STAU2: variants seen among roughly 807,000 people sequenced by gnomAD.
The protein encoded by STAU2 is staufen double-stranded RNA binding protein 2, also known as double-stranded RNA-binding protein Staufen homolog 2.
Under a neutral mutation model 65.9 loss-of-function variants are expected in STAU2, and 20 were observed. The observed-to-expected ratio is 0.30, with a 90% CI of 0.21 to 0.44. The LOEUF is 0.44. STAU2 is among the 20% of genes least tolerant of loss of function. The pLI is 1.00. For synonymous variants in STAU2, 232 were observed against 233.9 expected, an observed-to-expected ratio of 0.99 and a Z score of 0.07; for missense variants, 558 against 683.9, an observed-to-expected ratio of 0.82 and a Z score of 2.05.
chr8:73,574,706 A>G (rs1809383415), intron 12 of STAU2, among the ~76,000 whole-genome samples: 1 of 152,194 alleles, frequency 6.6e-6, no homozygotes, highest in Non-Finnish European at 1.5e-5. Context: ...GAACTGAACA[A>G]TGAGAATACT....
At chr8:73,491,684 C>T (rs1821162542) in intron 13 of STAU2, among the ~76,000 whole-genome samples, 1 of 151,778 alleles carries the variant, frequency 6.6e-6, no homozygotes, top group African/African-American at 2.4e-5. Context: ...GGAACAGATT[C>T]AATCAAATAA....
At chr8:73,538,410 T>C (rs1202884566) in intron 13 of STAU2, among the ~76,000 whole-genome samples, 1 of 152,060 alleles carries the variant, frequency 6.6e-6, no homozygotes, top group African/African-American at 2.4e-5. Flanking sequence ...CTATTAAGAA[T>C]AGATAATAAA....
chr8:73,634,484 C>T (rs754202272), intron 6 of STAU2, among the ~76,000 whole-genome samples: 6 of 151,890 alleles, frequency 4.0e-5, no homozygotes, highest in East Asian at 1.9e-4. Context: ...GCTGAGATTG[C>T]GCCACTGCAC....
Position 73,420,627 on chromosome 8 carries a change from A to G in STAU2, c.*745T>C, listed in dbSNP as rs1427659605. On this transcript the variant is annotated 3_prime_UTR_variant, in exon 15 of 15. Transcript: ENST00000524300. ...CCACAACAGGGAGTGGAATCCGGGA[A>G]GATGATATATAGGGGCAAGACGCCC... The G allele has an allele frequency of 1.2e-5, 2 of 172,760 alleles. No individual in the cohort carries two copies. Among genetic ancestry groups the G allele is most frequent in the African/African-American group, 4.7e-5 (2 of 42,618 alleles). 10.7% of individuals were successfully genotyped at this position (172,760 alleles called of 1,614,324 possible). A position where few individuals can be genotyped will look rare whatever the true frequency, so the allele number is the denominator to read the frequency against.
At chr8:73,628,441 C>A (rs976684603) in intron 6 of STAU2, among the ~76,000 whole-genome samples, 1 of 152,132 alleles carries the variant, frequency 6.6e-6, no homozygotes, top group Non-Finnish European at 1.5e-5. Flanking sequence ...ATCTTACGTA[C>A]TAAAAACTTA....
chr8:73,651,750 C>G, intron 6 of STAU2: 3 of 424,548 alleles, frequency 7.1e-6, no homozygotes, highest in South Asian at 6.5e-5. Flanking sequence ...TCCACGGGGC[C>G]CTGGGGCCTG....
chr8:73,455,496 G>A (rs1203954691), intron 13 of STAU2, among the ~76,000 whole-genome samples: 1 of 152,148 alleles, frequency 6.6e-6, no homozygotes, highest in Non-Finnish European at 1.5e-5. Context: ...TGTGGGACTT[G>A]TCCCCATTGG....
chr8:73,608,893 G>A (rs755238883), intron 9 of STAU2, among the ~76,000 whole-genome samples: 4 of 152,024 alleles, frequency 2.6e-5, no homozygotes, highest in African/African-American at 7.3e-5. Context: ...CATGAGAATC[G>A]CTTGAACCCA....
chr8:73,607,889 T>C (rs540197941), intron 9 of STAU2, among the ~76,000 whole-genome samples: 83 of 152,318 alleles, frequency 5.4e-4, no homozygotes, highest in Middle Eastern at 6.8e-3. Flanking sequence ...TTGTCTCTAC[T>C]ATCTGTAGAG....
At chr8:73,555,488 G>A (rs553253642) in intron 12 of STAU2, among the ~76,000 whole-genome samples, 4 of 152,156 alleles carry the variant, frequency 2.6e-5, no homozygotes, top group African/African-American at 9.6e-5. Flanking sequence ...CCGCATGCAT[G>A]AGTCCCATAT....
chr8:73,612,890 A>C (rs993121942), intron 9 of STAU2, among the ~76,000 whole-genome samples: 20 of 152,216 alleles, frequency 1.3e-4, no homozygotes, highest in African/African-American at 4.8e-4. Flanking sequence ...CTGGAAACAC[A>C]GAACTCTAGC....
chr8:73,471,817 T>TTAAA (rs1554594408), intron 13 of STAU2, among the ~76,000 whole-genome samples: 3 of 86,816 alleles, frequency 3.5e-5, no homozygotes, highest in African/African-American at 1.4e-4. Flanking sequence ...AGACTCCAAC[T>TTAAA]AAAAAAAAAA....
chr8:73,739,232 CAAAA>C (rs34324889), intron 2 of STAU2, among the ~76,000 whole-genome samples: 1 of 106,448 alleles, frequency 9.4e-6, no homozygotes, highest in Non-Finnish European at 1.8e-5. Flanking sequence ...GACTCCATCT[CAAAA>C]AAAAAAAAAA....
At chr8:73,696,750 CA>C (rs1283183344) in intron 4 of STAU2, among the ~76,000 whole-genome samples, 2 of 152,024 alleles carry the variant, frequency 1.3e-5, no homozygotes, top group African/African-American at 4.8e-5. Context: ...AAAATAGCCT[CA>C]AAGGGGCAAA....
At chr8:73,573,054 T>A (rs998432663) in intron 12 of STAU2, among the ~76,000 whole-genome samples, 17 of 152,234 alleles carry the variant, frequency 1.1e-4, no homozygotes, top group Non-Finnish European at 2.2e-4. Flanking sequence ...TTCAGCAATG[T>A]CTCAGGATAC....
intron 7 of STAU2, 63 bp from the exon 8 acceptor site, chr8:73,615,845 T>C (rs770449959): frequency 6.4e-6 from 8 of 1,241,262 alleles, no homozygotes; most frequent in Non-Finnish European, 9.3e-6. Context: ...ACTTTTATTC[T>C]ACAGTCAAGA....
At chr8:73,655,548 A>G (rs1816290677) in intron 6 of STAU2, among the ~76,000 whole-genome samples, 2 of 151,760 alleles carry the variant, frequency 1.3e-5, no homozygotes, top group Admixed American at 1.3e-4. Context: ...AGGAGTTTGT[A>G]CTTCCATGTA....
chr8:73,451,744 ATTTT>A, intron 13 of STAU2, among the ~76,000 whole-genome samples: 1 of 152,024 alleles, frequency 6.6e-6, no homozygotes, highest in African/African-American at 2.4e-5. Flanking sequence ...CTTGGCTTTT[ATTTT>A]TTTAATGATT....
chr8:73,452,165 G>T (rs1818834244), intron 13 of STAU2, among the ~76,000 whole-genome samples: 1 of 152,174 alleles, frequency 6.6e-6, no homozygotes, highest in Non-Finnish European at 1.5e-5. Flanking sequence ...TCCCAGGGGA[G>T]GAACTGAGGG....
Sources: allele counts gnomAD v4.1 joint callset (sites outside exome capture counted in the v4.1 genomes callset), GRCh38; gene constraint gnomAD v4.1.1; transcripts MANE v1.5; gene names NCBI Gene and HGNC (gene_info 2026-07-23, HGNC 2026-07-21).